AATF: variants seen among roughly 807,000 people sequenced by gnomAD.
AATF encodes the protein apoptosis antagonizing transcription factor, also known as protein AATF.
A neutral mutation model predicts 63.7 loss-of-function variants in AATF; 48 were observed. That is an observed-to-expected ratio of 0.75 (90% confidence interval 0.60 to 0.96). The LOEUF is 0.96. Ranked by LOEUF, AATF falls within the 40% of genes least tolerant of loss-of-function variation. The probability of loss-of-function intolerance (pLI) is 0.00; values close to 1 mark genes in which losing one functional copy is unlikely to be tolerated. For missense variants in AATF, 639 were observed against 685.7 expected (o/e 0.93, Z 0.76); for synonymous variants, 258 against 247.7 (o/e 1.04, Z -0.39).
chr17:36,953,918 T>C lies in AATF; in HGVS notation c.832+11T>C, dbSNP rs1567963027. 6.2e-7 allele frequency: 1 copy of C among 1,612,480 alleles called. No individual in the cohort carries two copies. Among genetic ancestry groups the C allele is most frequent in the Non-Finnish European group, 8.5e-7 (1 of 1,179,410 alleles). On this transcript the variant is annotated intron_variant, in intron 4 of 11. Coordinates refer to ENST00000619387, the MANE Select transcript of AATF (RefSeq NM_012138.4). ...GTGCCCTGAAAAATAGTAAGAATACTTATGTCCTGTTGGAATACTTAGAAC... is the reference window on the plus strand; with the variant it reads ...GTGCCCTGAAAAATAGTAAGAATACCTATGTCCTGTTGGAATACTTAGAAC...
intron 11 of AATF, 164 bp from the exon 12 acceptor site, chr17:37,056,437 C>T (rs1439324741): frequency 1.5e-6 from 1 of 657,500 alleles, no homozygotes; most frequent in East Asian, 2.8e-5. Flanking sequence ...TGGGTTTCTT[C>T]CTTCTGTTGT....
chr17:37,003,100 A>G (rs1046967867), intron 8 of AATF, among the ~76,000 whole-genome samples: 7 of 152,234 alleles, frequency 4.6e-5, no homozygotes, highest in Admixed American at 6.5e-5. Context: ...AAGGCTAGGC[A>G]TATAGATCAA....
chr17:37,023,584 CTTTTTAAACA>C (rs1165130859), intron 10 of AATF, among the ~76,000 whole-genome samples: 1 of 134,404 alleles, frequency 7.4e-6, no homozygotes. Flanking sequence ...AAGAGGCATT[CTTTTTAAACA>C]GAGTTTAAAA....
intron 8 of AATF, among the ~76,000 whole-genome samples, chr17:37,003,621 C>CA (rs1186913773): frequency 6.6e-6 from 1 of 151,636 alleles, no homozygotes; most frequent in East Asian, 2.0e-4. Flanking sequence ...CGTGCACCAC[C>CA]ACACCCGGCT....
intron 5 of AATF, among the ~76,000 whole-genome samples, chr17:36,987,114 A>G (rs943570908): frequency 6.6e-6 from 1 of 151,660 alleles, no homozygotes; most frequent in African/African-American, 2.4e-5. Flanking sequence ...CAGCCTCCCA[A>G]ATAGCTGGGA....
intron 11 of AATF, among the ~76,000 whole-genome samples, chr17:37,034,049 C>T (rs2071571565): frequency 6.6e-6 from 1 of 152,156 alleles, no homozygotes; most frequent in African/African-American, 2.4e-5. Context: ...AGGGCTATCC[C>T]TTGTGGACTG....
chr17:36,950,204 C>A lies in AATF; in HGVS notation c.92-10C>A, dbSNP rs890658313. On this transcript the variant is annotated splice_polypyrimidine_tract_variant and intron_variant, in intron 1 of 11. Transcript: ENST00000619387. ...GGAGATTCTGTTTACTTTTCCCTCT[C>A]CCCCGACAGCCACTGCTGCCAGGGT... 2 of 1,610,520 alleles carry A rather than the reference C, an allele frequency of 1.2e-6. No homozygotes were observed. Among genetic ancestry groups the A allele is most frequent in the Non-Finnish European group, 1.7e-6 (2 of 1,177,080 alleles).
At chr17:36,950,489 G>A in intron 2 of AATF, 84 bp downstream of exon 2, 5 of 1,341,616 alleles carry the variant, frequency 3.7e-6, no homozygotes, top group Non-Finnish European at 5.1e-6. Flanking sequence ...CATGATCTTT[G>A]CAAGAGTAGT....
At chr17:37,055,998 G>C (rs1326563558) in intron 11 of AATF, 1 of 152,180 alleles carries the variant, frequency 6.6e-6, no homozygotes, top group Non-Finnish European at 1.5e-5. Context: ...TTCTTTTTAG[G>C]GGCCCAAGAC....
Position 36,988,518 on chromosome 17 carries a change from G to A in AATF, c.948-1G>A. 3.1e-6 allele frequency: 5 copies of A among 1,613,750 alleles called. No individual in the cohort carries two copies. Among genetic ancestry groups the A allele is most frequent in the Non-Finnish European group, 2.5e-6 (3 of 1,179,892 alleles). On this transcript the variant is annotated splice_acceptor_variant, in intron 5 of 11. Coordinates refer to ENST00000619387, the MANE Select transcript of AATF (RefSeq NM_012138.4). LOFTEE classifies it high-confidence loss of function. ...ACATAATATTCTTACTGCTTTTCTA[G>A]TGAGGAGATTTCTAGTGAAGATGAT...
intron 1 of AATF, among the ~76,000 whole-genome samples, chr17:36,949,824 C>T (rs186890545): frequency 6.6e-6 from 1 of 152,270 alleles, no homozygotes; most frequent in Non-Finnish European, 1.5e-5. Context: ...TGAACCGTAT[C>T]TTAGGAAGAT....
intron 9 of AATF, among the ~76,000 whole-genome samples, chr17:37,019,718 G>T (rs2071455071): frequency 6.6e-6 from 1 of 152,220 alleles, no homozygotes. Flanking sequence ...AGCTGCAAGT[G>T]CCAGAATGGG....
chr17:37,009,843 A>AAAC (rs1555651459), intron 8 of AATF, among the ~76,000 whole-genome samples: 6 of 149,964 alleles, frequency 4.0e-5, no homozygotes, highest in African/African-American at 1.5e-4. Context: ...AAAAAAAAAA[A>AAAC]AAAAAAACCA....
intron 4 of AATF, among the ~76,000 whole-genome samples, chr17:36,978,997 G>A (rs1280975833): frequency 1.3e-5 from 2 of 151,984 alleles, no homozygotes; most frequent in Non-Finnish European, 2.9e-5. Flanking sequence ...TAGCCCGCGA[G>A]TTGCACAATA....
intron 7 of AATF, 137 bp downstream of exon 7, chr17:36,989,548 TGA>T (rs2142249768): frequency 1.1e-6 from 1 of 886,272 alleles, no homozygotes; most frequent in East Asian, 2.8e-5. Flanking sequence ...ACTGGATTAC[TGA>T]GAGAAACTTG....
At chr17:36,956,506 C>T (rs1477342763) in intron 4 of AATF, among the ~76,000 whole-genome samples, 1 of 151,372 alleles carries the variant, frequency 6.6e-6, no homozygotes, top group Non-Finnish European at 1.5e-5. Context: ...AACCCCGTCT[C>T]TACTGAAAAT....
In AATF at chr17:36,953,045, G is replaced by A. The variant is rs1200974348; in HGVS notation, c.443G>A (p.Gly148Asp). The A allele has an allele frequency of 6.2e-7, 1 of 1,614,038 alleles. No individual in the cohort carries two copies. The highest frequency in any genetic ancestry group is 1.3e-5 in the African/African-American group (1 of 74,902). The change falls in exon 3 of 12, where the codon GGC becomes GAC. Residue 148 changes from glycine to aspartate, a missense_variant. Transcript: ENST00000619387. ...KSRSHSAKTP[G>D]FSVQSISDFE... The stretch of plus-strand genomic sequence containing the variant: ...AGAAGCCACTCTGCAAAAACACCGG[G>A]CTTCAGTGTCCAGAGTATCAGTGAC...
At chr17:36,965,158 G>A (rs1187083090) in intron 4 of AATF, among the ~76,000 whole-genome samples, 8 of 152,106 alleles carry the variant, frequency 5.3e-5, no homozygotes, top group African/African-American at 1.7e-4. Flanking sequence ...ACAAATTACC[G>A]CAAGCTTGGT....
At chr17:37,049,078 A>G (rs1567998279) in intron 11 of AATF, among the ~76,000 whole-genome samples, 1 of 152,116 alleles carries the variant, frequency 6.6e-6, no homozygotes, top group Non-Finnish European at 1.5e-5. Context: ...TAAGGAAGAT[A>G]TTGTCACCAT....
Sources: allele counts gnomAD v4.1 joint callset (sites outside exome capture counted in the v4.1 genomes callset), GRCh38; gene constraint gnomAD v4.1.1; transcripts MANE v1.5; gene names NCBI Gene and HGNC (gene_info 2026-07-23, HGNC 2026-07-21).